RANBP3L: variants seen among roughly 807,000 people sequenced by gnomAD.
RANBP3L encodes ran-binding protein 3-like.
In RANBP3L, 56 loss-of-function variants were observed where a neutral mutation model predicts 67.2. The observed-to-expected ratio is 0.83, with a 90% confidence interval of 0.67 to 1.04. RANBP3L has a LOEUF of 1.04. Ranked by LOEUF, RANBP3L falls within the 50% of genes least tolerant of loss-of-function variation. The pLI, the probability that RANBP3L is intolerant of heterozygous loss-of-function variation, is 0.00. For missense variants in RANBP3L, 496 were observed against 535.5 expected (o/e 0.93, Z 0.73); for synonymous variants, 164 against 181.4 (o/e 0.90, Z 0.77).
chr5:36,254,436 T>A (rs1748822034), intron 11 of RANBP3L, among the ~76,000 whole-genome samples: 1 of 152,110 alleles, frequency 6.6e-6, no homozygotes. Context: ...ACAATGAATG[T>A]GTATTACCTG....
intron 1 of RANBP3L, among the ~76,000 whole-genome samples, chr5:36,295,428 G>A (rs138396359): frequency 3.3e-5 from 5 of 152,138 alleles, no homozygotes; most frequent in Admixed American, 6.6e-5. Flanking sequence ...AGAAGGATAC[G>A]TTTGCTTCCC....
In RANBP3L at chr5:36,257,032, G is replaced by A. The variant is rs16902872; in HGVS notation, c.812C>T (p.Ala271Val). 23,994 of 1,612,296 alleles carry A rather than the reference G, an allele frequency of 0.015. 3,140 individuals are homozygous for A. In the African/African-American group the frequency reaches 0.28, roughly 19 times the overall value. ...SIKNTSLIESAAAFSSQPSRK... is the reference protein window; with the variant it reads ...SIKNTSLIESVAAFSSQPSRK... The stretch of plus-strand genomic sequence containing the variant: ...TGATGGTTGGGAAGAGAATGCAGCA[G>A]CTGATTCAATTAGGGAAGTATTTTT... The change falls in exon 10 of 14, where the codon GCT (alanine) becomes GTT (valine). Residue 271 changes from alanine (A) to valine (V), a missense_variant. Transcript: ENST00000296604.
At chr5:36,263,298 C>A (rs1161131857) in intron 6 of RANBP3L, among the ~76,000 whole-genome samples, 1 of 151,970 alleles carries the variant, frequency 6.6e-6, no homozygotes, top group Non-Finnish European at 1.5e-5. Context: ...TTGAAATTTT[C>A]TCTTAAGCTT....
chr5:36,280,206 T>A (rs916444981), intron 1 of RANBP3L, among the ~76,000 whole-genome samples: 4 of 152,100 alleles, frequency 2.6e-5, no homozygotes, highest in African/African-American at 4.8e-5. Flanking sequence ...TAAGAAAATA[T>A]CTAATGTGAA....
At position 36,257,482 on chromosome 5, in the gene RANBP3L, C is replaced by T. The variant is rs138358489; in HGVS notation, c.744G>A (p.Pro248=). ...YAKEKPFKSI[P]KFPVNFLSSR... ...AACTTAAAAAGTTGACAGGAAATTT[C>T]GGAATGGATTTGAATGGTTTTTCCT... The change falls in exon 9 of 14, where the codon CCG becomes CCA. Residue 248 remains proline (P), a synonymous_variant. Coordinates refer to ENST00000296604, the MANE Select transcript of RANBP3L (RefSeq NM_145000.5). 946 of 1,587,218 alleles carry T rather than the reference C, an allele frequency of 6.0e-4. 5 individuals are homozygous for T. In the African/African-American group the frequency reaches 0.01, roughly 17 times the overall value.
At chr5:36,258,909 G>T (rs984778046) in intron 8 of RANBP3L, among the ~76,000 whole-genome samples, 7 of 152,194 alleles carry the variant, frequency 4.6e-5, no homozygotes, top group African/African-American at 1.7e-4. Flanking sequence ...ATGAGGCCAG[G>T]CATAGGAAAT....
At chr5:36,269,601 G>A (rs1750067921) in intron 3 of RANBP3L, 134 bp from the exon 4 acceptor site, 6 of 656,936 alleles carry the variant, frequency 9.1e-6, no homozygotes, top group Non-Finnish European at 1.4e-5. Context: ...TAAATATTGG[G>A]GTTAATAGTT....
chr5:36,300,728 G>T (rs1209855062), intron 1 of RANBP3L, among the ~76,000 whole-genome samples: 1 of 152,130 alleles, frequency 6.6e-6, no homozygotes, highest in Non-Finnish European at 1.5e-5. Context: ...CAGCTGGCTG[G>T]AGAGTGGATT....
intron 1 of RANBP3L, among the ~76,000 whole-genome samples, chr5:36,285,259 C>T (rs945271772): frequency 2.0e-5 from 3 of 152,156 alleles, no homozygotes; most frequent in African/African-American, 4.8e-5. Context: ...AGCATTACCA[C>T]GAAAGAATAA....
At chr5:36,286,837 C>G (rs1479964537) in intron 1 of RANBP3L, among the ~76,000 whole-genome samples, 3 of 152,170 alleles carry the variant, frequency 2.0e-5, no homozygotes, top group African/African-American at 7.2e-5. Flanking sequence ...ATGACCCACT[C>G]CCTCACCTCT....
intron 9 of RANBP3L, 59 bp from the exon 10 acceptor site, chr5:36,257,130 C>G: frequency 1.4e-6 from 2 of 1,461,362 alleles, no homozygotes; most frequent in Non-Finnish European, 1.9e-6. Flanking sequence ...TGTGAAAGTT[C>G]TTTGTTGCCC....
Position 36,247,582 on chromosome 5 carries a change from A to T in RANBP3L, c.*2072T>A, listed in dbSNP as rs1748359753. Among the ~76,000 whole-genome samples the T allele has an allele frequency of 6.6e-6, 1 of 152,200 alleles. No homozygotes were observed. Among genetic ancestry groups the T allele is most frequent in the South Asian group, 2.1e-4 (1 of 4,828 alleles). On this transcript the variant is annotated 3_prime_UTR_variant, in exon 14 of 14. Transcript: ENST00000296604. ...CCTTAGTGTGGGGACGAGGATGAAC[A>T]TGTCAAAAAGATAAAGATGACCAGG... is the stretch of plus-strand genomic sequence containing the variant.
chr5:36,265,884 G>A (rs1253349030), intron 4 of RANBP3L, among the ~76,000 whole-genome samples: 1 of 150,728 alleles, frequency 6.6e-6, no homozygotes, highest in Non-Finnish European at 1.5e-5. Flanking sequence ...GGCTGAGGAA[G>A]GAGAATCTCT....
chr5:36,281,357 T>C (rs948777503), intron 1 of RANBP3L, among the ~76,000 whole-genome samples: 3 of 152,208 alleles, frequency 2.0e-5, no homozygotes, highest in Non-Finnish European at 4.4e-5. Context: ...AAGTTAGTTA[T>C]TGAACCCTTT....
chr5:36,253,548 T>A, intron 12 of RANBP3L, 99 bp downstream of exon 12: 1 of 932,688 alleles, frequency 1.1e-6, no homozygotes, highest in Non-Finnish European at 1.6e-6. Context: ...TTTTTGCCAA[T>A]GGTACAGATT....
chr5:36,266,508 T>A (rs1417834412), intron 4 of RANBP3L, among the ~76,000 whole-genome samples: 2 of 152,210 alleles, frequency 1.3e-5, no homozygotes, highest in East Asian at 3.8e-4. Flanking sequence ...AATTTAATGT[T>A]TTTTATGATC....
chr5:36,262,080 C>T, intron 6 of RANBP3L, 38 bp from the exon 7 acceptor site: 1 of 993,578 alleles, frequency 1.0e-6, no homozygotes, highest in African/African-American at 1.6e-5. Context: ...TTTATAAAGA[C>T]TACCTTACTA....
chr5:36,280,075 C>G (rs1247983103), intron 1 of RANBP3L, among the ~76,000 whole-genome samples: 1 of 152,130 alleles, frequency 6.6e-6, no homozygotes, highest in African/African-American at 2.4e-5. Context: ...GATTCTCATG[C>G]TGATAATCTT....
intron 8 of RANBP3L, among the ~76,000 whole-genome samples, chr5:36,260,375 A>T (rs909618670): frequency 6.6e-6 from 1 of 151,544 alleles, no homozygotes; most frequent in African/African-American, 2.4e-5. Flanking sequence ...AAAAAAAAAA[A>T]AAAAACCAAA....
Sources: gnomAD v4.1 joint callset for allele counts (sites outside exome capture counted in the v4.1 genomes callset) on GRCh38, gnomAD v4.1.1 for gene constraint, MANE v1.5 for transcripts, NCBI Gene and HGNC (gene_info 2026-07-23, HGNC 2026-07-21) for gene names.